NEGR1: variants seen among roughly 807,000 people sequenced by gnomAD.
The protein encoded by NEGR1 is IgLON family member 4.
Under a neutral mutation model 40.9 loss-of-function variants are expected in NEGR1, and 10 were observed. That is an observed-to-expected ratio of 0.24 (90% CI 0.15 to 0.42). The LOEUF is 0.42. Among genes scored for constraint, NEGR1 ranks in the 10% least tolerant of loss-of-function variants. The pLI is 1.00. For synonymous variants in NEGR1, 185 were observed against 166.8 expected (o/e 1.11, Z -0.84); for missense variants, 352 against 438.9 (o/e 0.80, Z 1.77).
chr1:71,993,403 C>T (rs1024548782), intron 1 of NEGR1, among the ~76,000 whole-genome samples: 1 of 152,166 alleles, frequency 6.6e-6, no homozygotes, highest in East Asian at 1.9e-4. Flanking sequence ...AAGCCATTTA[C>T]ACTCTCCATG....
chr1:72,227,904 G>A (rs1481479848), intron 1 of NEGR1, among the ~76,000 whole-genome samples: 3 of 152,086 alleles, frequency 2.0e-5, no homozygotes, highest in Non-Finnish European at 4.4e-5. Context: ...ATAGAACACT[G>A]CCTTCTTCTA....
chr1:72,239,945 T>C (rs1284961977), intron 1 of NEGR1, among the ~76,000 whole-genome samples: 1 of 151,796 alleles, frequency 6.6e-6, no homozygotes, highest in Non-Finnish European at 1.5e-5. Flanking sequence ...TCATGGAAAA[T>C]GTGTATTATG....
At chr1:72,237,798 T>A (rs1654606221) in intron 1 of NEGR1, among the ~76,000 whole-genome samples, 1 of 151,998 alleles carries the variant, frequency 6.6e-6, no homozygotes, top group Non-Finnish European at 1.5e-5. Context: ...CCTACAGAAC[T>A]GTGCTCTCAT....
intron 4 of NEGR1, among the ~76,000 whole-genome samples, chr1:71,654,149 A>C (rs1184531531): frequency 6.6e-6 from 1 of 152,164 alleles, no homozygotes; most frequent in Non-Finnish European, 1.5e-5. Context: ...GGAAAAGGAT[A>C]AACTATGGAG....
chr1:72,211,149 T>C (rs1247612940), intron 1 of NEGR1, among the ~76,000 whole-genome samples: 1 of 151,808 alleles, frequency 6.6e-6, no homozygotes, highest in East Asian at 1.9e-4. Flanking sequence ...ACTCCATCAA[T>C]AGGATTCTAA....
Position 72,244,030 on chromosome 1 carries a change from T to G in NEGR1, c.176+38289A>C, listed in dbSNP as rs538808577. Among the ~76,000 whole-genome samples the G allele has an allele frequency of 2.0e-5, 3 of 151,988 alleles. No individual in the cohort carries two copies. The East Asian group carries it at 5.8e-4, about 29-fold the overall frequency. The stretch of plus-strand genomic sequence containing the variant: ...ATAGCATCTTAATCTGATTTTCTAG[T>G]ACACCGTATTTAGTTCCTGATCCAC... On this transcript the variant is annotated intron_variant, in intron 1 of 6. Coordinates refer to ENST00000357731, the MANE Select transcript of NEGR1 (RefSeq NM_173808.3).
At chr1:72,149,268 G>T (rs1651026443) in intron 1 of NEGR1, among the ~76,000 whole-genome samples, 2 of 151,990 alleles carry the variant, frequency 1.3e-5, no homozygotes, top group African/African-American at 2.4e-5. Flanking sequence ...GAATAGTATG[G>T]GAAAGAACAG....
intron 4 of NEGR1, among the ~76,000 whole-genome samples, chr1:71,624,574 A>G (rs1650706661): frequency 6.6e-6 from 1 of 151,980 alleles, no homozygotes; most frequent in African/African-American, 2.4e-5. Context: ...CCCTTGTCCA[A>G]TCTGCTCTAG....
intron 4 of NEGR1, among the ~76,000 whole-genome samples, chr1:71,644,579 A>G (rs537938929): frequency 9.2e-5 from 14 of 152,072 alleles, no homozygotes; most frequent in African/African-American, 2.9e-4. Flanking sequence ...CTGACATATG[A>G]TAAGTACTCA....
At chr1:71,551,533 T>C (rs1451071612) in intron 6 of NEGR1, among the ~76,000 whole-genome samples, 1 of 151,674 alleles carries the variant, frequency 6.6e-6, no homozygotes, top group Non-Finnish European at 1.5e-5. Flanking sequence ...CTTATTTATA[T>C]TTAAGATCTT....
chr1:72,196,418 T>C (rs1282825502), intron 1 of NEGR1, among the ~76,000 whole-genome samples: 1 of 152,128 alleles, frequency 6.6e-6, no homozygotes, highest in African/African-American at 2.4e-5. Context: ...GCTAAAACGC[T>C]TACTAAAATA....
intron 6 of NEGR1, among the ~76,000 whole-genome samples, chr1:71,440,578 T>C (rs1646540722): frequency 6.6e-6 from 1 of 152,218 alleles, no homozygotes; most frequent in African/African-American, 2.4e-5. Flanking sequence ...CAGGAAAGGA[T>C]ACTACTGATT....
chr1:72,007,234 C>G (rs1175292366), intron 1 of NEGR1, among the ~76,000 whole-genome samples: 1 of 152,062 alleles, frequency 6.6e-6, no homozygotes, highest in Non-Finnish European at 1.5e-5. Flanking sequence ...ATAAGCTTGA[C>G]CATTTCATTT....
intron 1 of NEGR1, among the ~76,000 whole-genome samples, chr1:72,158,179 C>T (rs1270214328): frequency 6.6e-6 from 1 of 152,182 alleles, no homozygotes; most frequent in Admixed American, 6.6e-5. Context: ...TAGTGGTACG[C>T]TGTCACTTGT....
chr1:72,059,415 C>T (rs2821272), intron 1 of NEGR1, among the ~76,000 whole-genome samples: 88,910 of 151,228 alleles, frequency 0.59, 26,544 homozygotes, highest in African/African-American at 0.69. Context: ...GTGCAAAGTT[C>T]CTTTGCCTTG....
chr1:71,639,207 A>G (rs772050473), intron 4 of NEGR1, among the ~76,000 whole-genome samples: 29 of 108,150 alleles, frequency 2.7e-4, no homozygotes, highest in Non-Finnish European at 4.1e-4. Flanking sequence ...ATGTTCAGGG[A>G]AAAAAAAAAA....
intron 1 of NEGR1, among the ~76,000 whole-genome samples, chr1:72,074,831 A>G (rs1647651365): frequency 6.6e-6 from 1 of 152,074 alleles, no homozygotes; most frequent in African/African-American, 2.4e-5. Context: ...TGATTTCTCC[A>G]TTTTTTGGTC....
intron 1 of NEGR1, among the ~76,000 whole-genome samples, chr1:72,042,499 T>A (rs1489030542): frequency 6.6e-6 from 1 of 151,954 alleles, no homozygotes; most frequent in Non-Finnish European, 1.5e-5. Context: ...GTTTTGAACA[T>A]CTGCCAAGCA....
intron 1 of NEGR1, among the ~76,000 whole-genome samples, chr1:72,006,037 A>G (rs796144052): frequency 1.1e-4 from 17 of 152,336 alleles, no homozygotes; most frequent in Admixed American, 3.3e-4. Flanking sequence ...ATGGGCTACC[A>G]GATTTGCCAT....
Sources: allele counts gnomAD v4.1 joint callset (sites outside exome capture counted in the v4.1 genomes callset), GRCh38; gene constraint gnomAD v4.1.1; transcripts MANE v1.5; gene names NCBI Gene and HGNC (gene_info 2026-07-23, HGNC 2026-07-21).